ANK1: variants seen among roughly 807,000 people sequenced by gnomAD.
ANK1 encodes the protein ankyrin-1.
Under a neutral mutation model 210.4 loss-of-function variants are expected in ANK1, and 51 were observed. The observed-to-expected ratio is 0.24, with a 90% CI of 0.19 to 0.31. The LOEUF (loss-of-function observed/expected upper bound fraction) is 0.31. Ranked by LOEUF, ANK1 falls within the 10% of genes least tolerant of loss-of-function variation. The pLI is 1.00. For synonymous variants in ANK1, 967 were observed against 1,025.9 expected, an observed-to-expected ratio of 0.94 and a Z score of 1.10; for missense variants, 2,051 against 2,504.4, an observed-to-expected ratio of 0.82 and a Z score of 3.86.
chr8:41,739,571 C>T (rs1834239774), intron 2 of ANK1, among the ~76,000 whole-genome samples: 1 of 127,002 alleles, frequency 7.9e-6, no homozygotes, highest in East Asian at 2.2e-4. Flanking sequence ...GAGTGCCAGA[C>T]ATCAAGCATA....
At chr8:41,868,917 G>A (rs1243496753) in intron 1 of ANK1, among the ~76,000 whole-genome samples, 2 of 152,202 alleles carry the variant, frequency 1.3e-5, no homozygotes, top group African/African-American at 4.8e-5. Context: ...CTCAGACGGG[G>A]AGAAGGAATG....
chr8:41,789,079 C>T (rs1847068706), intron 1 of ANK1: 2 of 152,246 alleles, frequency 1.3e-5, no homozygotes. Flanking sequence ...CACTCTCTTG[C>T]TTTCCTGGCC....
At chr8:41,822,068 G>C (rs868416288) in intron 1 of ANK1, among the ~76,000 whole-genome samples, 4 of 8,312 alleles carry the variant, frequency 4.8e-4, no homozygotes, top group Non-Finnish European at 1.0e-3. Flanking sequence ...GAAAGAAAGA[G>C]AGAGAGAGAG....
At chr8:41,855,975 T>C (rs1812110616) in intron 1 of ANK1, among the ~76,000 whole-genome samples, 1 of 152,088 alleles carries the variant, frequency 6.6e-6, no homozygotes, top group African/African-American at 2.4e-5. Context: ...GGTGAGATTG[T>C]CCACCCCGAT....
chr8:41,666,970 C>T (rs1210737503), intron 39 of ANK1, among the ~76,000 whole-genome samples: 1 of 152,206 alleles, frequency 6.6e-6, no homozygotes, highest in Admixed American at 6.5e-5. Flanking sequence ...TCCAGTTCCC[C>T]TCACCAAAGG....
At chr8:41,862,679 A>T (rs1432424089) in intron 1 of ANK1, among the ~76,000 whole-genome samples, 1 of 140,720 alleles carries the variant, frequency 7.1e-6, no homozygotes. Flanking sequence ...AAAAAAAAAA[A>T]GGGAAAAACT....
At chr8:41,836,194 G>C (rs936759706) in intron 1 of ANK1, among the ~76,000 whole-genome samples, 46 of 152,256 alleles carry the variant, frequency 3.0e-4, no homozygotes, top group Non-Finnish European at 5.9e-5. Flanking sequence ...CTCACGGGAC[G>C]TGCCAGAGTG....
intron 1 of ANK1, among the ~76,000 whole-genome samples, chr8:41,815,201 T>C (rs1803123275): frequency 6.6e-6 from 1 of 152,164 alleles, no homozygotes; most frequent in South Asian, 2.1e-4. Flanking sequence ...ATTGAGAGAC[T>C]CAGTTTTCTT....
Position 41,694,219 on chromosome 8 carries a change from T to C in ANK1, c.3328-117A>G. On this transcript the variant is annotated intron_variant, in intron 28 of 42. Transcript: ENST00000289734. The surrounding 1 kb of genome is among the most constrained non-coding windows in gnomAD (Gnocchi z 5.7). ...CAGTGCACGGGGTCCCGCCCTGCTG[T>C]TGGACCACAGAACCGACACGGTGGA... is the stretch of plus-strand genomic sequence containing the variant. 8.9e-7 allele frequency: 1 copy of C among 1,119,784 alleles called. No individual in the cohort carries two copies. Among genetic ancestry groups the C allele is most frequent in the Non-Finnish European group, 1.3e-6 (1 of 782,402 alleles). The allele number at this position is 1,119,784 out of a possible 1,614,324, so 69.4% of individuals were successfully genotyped here. A position where few individuals can be genotyped will look rare whatever the true frequency, so the allele number is the denominator to read the frequency against.
chr8:41,836,778 G>A (rs1807812646), intron 1 of ANK1, among the ~76,000 whole-genome samples: 1 of 152,160 alleles, frequency 6.6e-6, no homozygotes, highest in African/African-American at 2.4e-5. Flanking sequence ...TAATTAGCCA[G>A]GCATAGTGGC....
intron 7 of ANK1, 142 bp from the exon 8 acceptor site, chr8:41,723,775 A>ATTTATTT (rs1563568467): frequency 8.0e-6 from 4 of 499,636 alleles, no homozygotes; most frequent in African/African-American, 2.1e-5. Flanking sequence ...AAGATATTTT[A>ATTTATTT]TTTTTTTTTA....
At chr8:41,761,292 G>A (rs1038185008) in intron 1 of ANK1, among the ~76,000 whole-genome samples, 3 of 150,536 alleles carry the variant, frequency 2.0e-5, no homozygotes, top group African/African-American at 7.4e-5. Flanking sequence ...CACACCAAGA[G>A]ATGCATACAC....
At position 41,888,591 on chromosome 8, in the gene ANK1, C is replaced by T. The variant is rs369112011; in HGVS notation, c.126+7764G>A. On this transcript the variant is annotated intron_variant, in intron 1 of 42. Transcript: ENST00000265709. Reference sequence around the variant, plus strand: ...CTAAAGGCCCAGATAACAGGAAAAACAGACAATCATGGCAGCAATGCCACC... The same window carrying T: ...CTAAAGGCCCAGATAACAGGAAAAATAGACAATCATGGCAGCAATGCCACC... Among the ~76,000 whole-genome samples, 135 of 152,386 alleles carry T rather than the reference C, an allele frequency of 8.9e-4. 1 individual carries two copies. The South Asian group carries it at 0.027, about 31-fold the overall frequency.
At chr8:41,831,648 AAAAAAAAGAAG>A (rs1430870155) in intron 1 of ANK1, among the ~76,000 whole-genome samples, 60 of 128,468 alleles carry the variant, frequency 4.7e-4, no homozygotes, top group Admixed American at 1.2e-3. Context: ...TCAAAAAAAA[AAAAAAAAGAAG>A]AAGAAAAAGA....
At position 41,822,064 on chromosome 8, in the gene ANK1, AAGAGAGAGAGAG is replaced by A. The variant is rs10605195; in HGVS notation, c.127-63939_127-63928del. 9.0e-3 allele frequency among the ~76,000 whole-genome samples: 325 copies of A among 36,198 alleles called. 2 individuals carry two copies. Among genetic ancestry groups the A allele is most frequent in the East Asian group, 0.013 (26 of 2,020 alleles). 23.7% of individuals were successfully genotyped at this position (36,198 alleles called of 152,430 possible). On this transcript the variant is annotated intron_variant, in intron 1 of 42. Transcript: ENST00000265709. Reference sequence around the variant, plus strand: ...GACTCCATCTCAAAAGAAAGAAAGAAAGAGAGAGAGAGAGAGAGAGAGAGAGAGAGAGAGAGA... The same window carrying A: ...GACTCCATCTCAAAAGAAAGAAAGAAAGAGAGAGAGAGAGAGAGAGAGAGA...
chr8:41,724,373 G>T, intron 7 of ANK1, 83 bp downstream of exon 7: 1 of 1,223,930 alleles, frequency 8.2e-7, no homozygotes, highest in Non-Finnish European at 1.2e-6. Flanking sequence ...TCTGCCACTG[G>T]GATGAAACCC....
intron 1 of ANK1, among the ~76,000 whole-genome samples, chr8:41,874,206 C>A (rs1816127040): frequency 6.6e-6 from 1 of 152,220 alleles, no homozygotes; most frequent in Non-Finnish European, 1.5e-5. Flanking sequence ...ATGGTGCCTG[C>A]ACCCTGAACT....
rs1265133744 is a variant in ANK1, at chr8:41,725,820, C to T, written c.553G>A (p.Asp185Asn). The part of the protein sequence containing the change: ...PALHIAARND[D>N]TRTAAVLLQN... The stretch of plus-strand genomic sequence containing the variant: ...AGCAGCACCGCAGCCGTGCGCGTGT[C>T]GTCGTTGCGGGCCGCGATGTGCAGG... The change falls in exon 6 of 43, where the codon GAC (aspartate) becomes AAC (asparagine). Residue 185 changes from aspartate to asparagine, a missense_variant. Asp to Asn is a conservative substitution (Grantham distance 23). Transcript: ENST00000289734. The T allele has an allele frequency of 1.2e-6, 2 of 1,611,970 alleles. No individual in the cohort carries two copies. The highest frequency in any genetic ancestry group is 1.7e-5 in the Admixed American group (1 of 59,948).
upstream of ANK1, among the ~76,000 whole-genome samples, chr8:41,802,106 C>T (rs902193056): frequency 2.6e-5 from 4 of 152,184 alleles, no homozygotes; most frequent in African/African-American, 9.7e-5. Context: ...TCTCCTGCCT[C>T]GGCCTCCCGA....
Sources: gnomAD v4.1 joint callset for allele counts (sites outside exome capture counted in the v4.1 genomes callset) on GRCh38, gnomAD v4.1.1 for gene constraint, Gnocchi (gnomAD v3.1) non-coding constraint, MANE v1.5 for transcripts, NCBI Gene and HGNC (gene_info 2026-07-23, HGNC 2026-07-21) for gene names.